Variants in NBAS observed in about 807,000 individuals in gnomAD.
The protein encoded by NBAS is NBAS subunit of NRZ tethering complex, also known as NAG/BC035112 fusion.
In NBAS, 219 loss-of-function variants were observed where a neutral mutation model predicts 302.5. That is an observed-to-expected ratio of 0.72 (90% CI 0.65 to 0.81). The LOEUF (loss-of-function observed/expected upper bound fraction) is 0.81. NBAS is among the 30% of genes least tolerant of loss of function. The pLI is 0.00. For missense variants in NBAS, 2,932 were observed against 2,841.6 expected, an observed-to-expected ratio of 1.03 and a Z score of -0.72; for synonymous variants, 1,118 against 1,021.6, an observed-to-expected ratio of 1.09 and a Z score of -1.80.
the NBAS span, among the ~76,000 whole-genome samples, chr2:14,784,420 A>C: frequency 6.6e-6 from 1 of 152,176 alleles, no homozygotes; most frequent in African/African-American, 2.4e-5. Flanking sequence ...GGTAATGCCT[A>C]GGTTTTCTTC....
At chr2:15,085,654 G>A in the NBAS span, among the ~76,000 whole-genome samples, 1 of 152,172 alleles carries the variant, frequency 6.6e-6, no homozygotes, top group Admixed American at 6.5e-5. Context: ...CCCAAGTCAG[G>A]ATAATGGATC....
intron 30 of NBAS, among the ~76,000 whole-genome samples, chr2:15,377,077 T>TA (rs1558284656): frequency 6.6e-6 from 1 of 152,074 alleles, no homozygotes; most frequent in African/African-American, 2.4e-5. Context: ...ACCACAATTT[T>TA]AAAAAAATTC....
chr2:15,310,561 T>C (rs1193337564), intron 38 of NBAS, among the ~76,000 whole-genome samples: 3 of 152,200 alleles, frequency 2.0e-5, no homozygotes, highest in Non-Finnish European at 2.9e-5. Flanking sequence ...ATAAAAAGAC[T>C]CTAAACAAAT....
the NBAS span, among the ~76,000 whole-genome samples, chr2:15,156,564 G>T: frequency 0.32 from 48,881 of 152,002 alleles, 8,573 homozygotes; most frequent in East Asian, 0.57. Context: ...GGTGGGAGGG[G>T]TGAACACCCT....
chr2:15,189,253 C>A (rs1188349354), intron 49 of NBAS, among the ~76,000 whole-genome samples: 2 of 152,228 alleles, frequency 1.3e-5, no homozygotes, highest in Non-Finnish European at 2.9e-5. Context: ...TTTCTGAAAA[C>A]ACTTGGTTAA....
At chr2:15,373,908 A>T (rs1674604084) in intron 31 of NBAS, among the ~76,000 whole-genome samples, 1 of 152,204 alleles carries the variant, frequency 6.6e-6, no homozygotes, top group African/African-American at 2.4e-5. Context: ...CATTTAGGGC[A>T]CAGAGGTCCA....
At chr2:14,879,303 G>A in the NBAS span, among the ~76,000 whole-genome samples, 3 of 152,054 alleles carry the variant, frequency 2.0e-5, no homozygotes, top group Admixed American at 2.0e-4. Context: ...ACCATTTTGG[G>A]GGACCTGCTA....
At chr2:15,478,829 T>C (rs1253826682) in intron 12 of NBAS, among the ~76,000 whole-genome samples, 1 of 152,158 alleles carries the variant, frequency 6.6e-6, no homozygotes, top group African/African-American at 2.4e-5. Flanking sequence ...GGCAATATGG[T>C]GTCATGCTCT....
chr2:15,532,523 GATATAACAGGATTTAAC>G (rs1373803574), intron 9 of NBAS, among the ~76,000 whole-genome samples: 2 of 147,340 alleles, frequency 1.4e-5, no homozygotes, highest in South Asian at 2.2e-4. Flanking sequence ...ATAAAATTAT[GATATAACAGGATTTAAC>G]ATATAACAGG....
intron 11 of NBAS, among the ~76,000 whole-genome samples, chr2:15,493,405 T>C (rs1680943708): frequency 6.6e-6 from 1 of 152,212 alleles, no homozygotes; most frequent in Non-Finnish European, 1.5e-5. Context: ...CAGTGGCTCA[T>C]GCCTGTAATC....
chr2:14,896,873 T>C, the NBAS span, among the ~76,000 whole-genome samples: 4 of 152,212 alleles, frequency 2.6e-5, no homozygotes, highest in African/African-American at 9.6e-5. Flanking sequence ...AATATTCTAC[T>C]TTTTGTTAAA....
chr2:15,404,109 A>G (rs1162556155), intron 25 of NBAS, among the ~76,000 whole-genome samples: 1 of 152,138 alleles, frequency 6.6e-6, no homozygotes, highest in East Asian at 1.9e-4. Flanking sequence ...ATAAATCGTC[A>G]TAACAATCCT....
intron 28 of NBAS, among the ~76,000 whole-genome samples, chr2:15,390,538 T>C (rs1364685649): frequency 6.6e-6 from 1 of 152,112 alleles, no homozygotes; most frequent in Non-Finnish European, 1.5e-5. Flanking sequence ...CCATGAGAAC[T>C]ATACGTAATA....
chr2:15,077,746 C>A, the NBAS span, among the ~76,000 whole-genome samples: 2 of 150,338 alleles, frequency 1.3e-5, no homozygotes, highest in East Asian at 2.0e-4. Flanking sequence ...TGCAGTGGCA[C>A]AATCTCAGCT....
At chr2:15,033,975 A>T in the NBAS span, among the ~76,000 whole-genome samples, 2 of 109,794 alleles carry the variant, frequency 1.8e-5, no homozygotes, top group Non-Finnish European at 3.6e-5. Context: ...GAGGAAGAAA[A>T]GAGGAAGAGG....
the NBAS span, among the ~76,000 whole-genome samples, chr2:14,840,711 A>C: frequency 6.6e-6 from 1 of 152,046 alleles, no homozygotes; most frequent in Non-Finnish European, 1.5e-5. Context: ...TGAGAGAAAA[A>C]ATCTTTTCCA....
At chr2:15,445,688 TA>T (rs201372612) in intron 21 of NBAS, among the ~76,000 whole-genome samples, 61 of 146,154 alleles carry the variant, frequency 4.2e-4, no homozygotes, top group Non-Finnish European at 3.5e-4. Context: ...TACTTTCAAC[TA>T]AAAAAAAAAA....
chr2:15,282,066 G>A (rs371185073), intron 42 of NBAS, among the ~76,000 whole-genome samples: 10 of 152,268 alleles, frequency 6.6e-5, no homozygotes, highest in African/African-American at 2.4e-4. Flanking sequence ...AACTGTGTAA[G>A]ACCTATAACC....
intron 35 of NBAS, among the ~76,000 whole-genome samples, chr2:15,348,190 C>G (rs971124480): frequency 6.6e-6 from 1 of 152,132 alleles, no homozygotes; most frequent in Non-Finnish European, 1.5e-5. Context: ...AGCCGTAATG[C>G]GTGCATTGCA....
Sources: gnomAD v4.1 joint callset for allele counts (sites outside exome capture counted in the v4.1 genomes callset) on GRCh38, gnomAD v4.1.1 for gene constraint, MANE v1.5 for transcripts, NCBI Gene and HGNC (gene_info 2026-07-23, HGNC 2026-07-21) for gene names.